The following ZNF385B variants were observed in gnomAD, a reference collection of about 807,000 sequenced individuals.
The protein encoded by ZNF385B is zinc finger protein 533.
ZNF385B carries 23 observed loss-of-function variants against 39.2 expected under a neutral mutation model. The ratio of observed to expected loss-of-function variants is 0.59; its 90% CI spans 0.42 to 0.83. The LOEUF is 0.83. Ranked by LOEUF, ZNF385B falls within the 40% of genes least tolerant of loss-of-function variation. ZNF385B has a pLI of 0.00. For synonymous variants in ZNF385B, 205 were observed against 222.6 expected (o/e 0.92, Z 0.70); for missense variants, 552 against 598.9 (o/e 0.92, Z 0.82).
intron 3 of ZNF385B, among the ~76,000 whole-genome samples, chr2:179,628,300 T>C (rs978643072): frequency 6.6e-6 from 1 of 152,206 alleles, no homozygotes; most frequent in Admixed American, 6.5e-5. Flanking sequence ...GGATGAAATG[T>C]CTTTAAGTAT....
At chr2:179,737,173 G>GT in intron 3 of ZNF385B, among the ~76,000 whole-genome samples, 1 of 152,334 alleles carries the variant, frequency 6.6e-6, no homozygotes, top group East Asian at 1.9e-4. Flanking sequence ...AAGCTGTTGA[G>GT]TGGCGGTGTG....
intron 3 of ZNF385B, among the ~76,000 whole-genome samples, chr2:179,592,630 C>T (rs1399390222): frequency 2.0e-5 from 3 of 151,886 alleles, no homozygotes; most frequent in Non-Finnish European, 4.4e-5. Flanking sequence ...TTTTTTTTTA[C>T]AGAAAAGAAT....
intron 6 of ZNF385B, among the ~76,000 whole-genome samples, chr2:179,454,915 T>G (rs1194329674): frequency 6.6e-6 from 1 of 152,202 alleles, no homozygotes; most frequent in Non-Finnish European, 1.5e-5. Context: ...TAAGCTGAGG[T>G]TAATTTATTG....
intron 3 of ZNF385B, among the ~76,000 whole-genome samples, chr2:179,589,502 T>C (rs1224102326): frequency 6.6e-6 from 1 of 152,148 alleles, no homozygotes. Flanking sequence ...TGAGAAGTAG[T>C]GTGAAGATTT....
At chr2:179,715,993 G>A (rs186802385) in intron 3 of ZNF385B, among the ~76,000 whole-genome samples, 7 of 152,018 alleles carry the variant, frequency 4.6e-5, no homozygotes, top group Non-Finnish European at 7.4e-5. Context: ...GCCCATAATA[G>A]CTACATAATG....
chr2:179,493,695 A>ATACGCATATG (rs1559336791), intron 5 of ZNF385B, among the ~76,000 whole-genome samples: 1 of 102,608 alleles, frequency 9.7e-6, no homozygotes, highest in Non-Finnish European at 2.1e-5. Flanking sequence ...ACACATATAT[A>ATACGCATATG]CATATATGTA....
chr2:179,470,834 C>T (rs1186700805), intron 6 of ZNF385B, among the ~76,000 whole-genome samples: 4 of 150,698 alleles, frequency 2.7e-5, no homozygotes, highest in African/African-American at 9.8e-5. Flanking sequence ...GCCCAGCAAG[C>T]TGGTCAGTTA....
intron 3 of ZNF385B, among the ~76,000 whole-genome samples, chr2:179,555,480 G>T (rs1046628925): frequency 1.3e-5 from 2 of 149,438 alleles, no homozygotes; most frequent in Non-Finnish European, 3.0e-5. Context: ...GCACTTTTCT[G>T]TATGTTATAA....
At chr2:179,524,966 GA>G (rs893599759) in intron 4 of ZNF385B, among the ~76,000 whole-genome samples, 1 of 152,048 alleles carries the variant, frequency 6.6e-6, no homozygotes, top group Admixed American at 6.6e-5. Flanking sequence ...GGTTTGCTGG[GA>G]ACTATACTAA....
intron 6 of ZNF385B, among the ~76,000 whole-genome samples, chr2:179,469,714 T>C (rs2052521879): frequency 6.6e-6 from 1 of 152,152 alleles, no homozygotes; most frequent in African/African-American, 2.4e-5. Context: ...AAAACAAGGA[T>C]GCTTGACCGA....
At chr2:179,511,242 C>T (rs1369609225) in intron 5 of ZNF385B, among the ~76,000 whole-genome samples, 1 of 152,112 alleles carries the variant, frequency 6.6e-6, no homozygotes, top group Non-Finnish European at 1.5e-5. Flanking sequence ...TGGCTTCCTT[C>T]CTAATCTCTT....
chr2:179,785,519 T>A lies in ZNF385B; in HGVS notation c.-154-14847A>T, dbSNP rs556267119. On this transcript the variant is annotated intron_variant, in intron 1 of 9. Transcript: ENST00000410066. Reference sequence around the variant, plus strand: ...TCGATGCCATTAAGAACATTTGTGATTCATAAGAGGAGCTCAAAATATCAA... The same window carrying A: ...TCGATGCCATTAAGAACATTTGTGAATCATAAGAGGAGCTCAAAATATCAA... Among the ~76,000 whole-genome samples, 3 of 152,228 alleles carry A rather than the reference T, an allele frequency of 2.0e-5. No individual in the cohort carries two copies. The South Asian group carries it at 6.2e-4, about 32-fold the overall frequency.
chr2:179,703,177 G>A (rs558280716), intron 3 of ZNF385B, among the ~76,000 whole-genome samples: 4 of 152,182 alleles, frequency 2.6e-5, no homozygotes, highest in East Asian at 3.9e-4. Context: ...TCATCTACTC[G>A]CCCTCTAGTT....
intron 4 of ZNF385B, among the ~76,000 whole-genome samples, chr2:179,520,172 A>T (rs2058380935): frequency 7.0e-6 from 1 of 142,858 alleles, no homozygotes; most frequent in South Asian, 2.1e-4. Flanking sequence ...TCTCCATCTT[A>T]AAAAAAAAAA....
chr2:179,540,834 G>A (rs1395343622), intron 4 of ZNF385B, among the ~76,000 whole-genome samples: 1 of 152,110 alleles, frequency 6.6e-6, no homozygotes, highest in Non-Finnish European at 1.5e-5. Context: ...ACAAAGGGTG[G>A]GACTTAATTC....
intron 3 of ZNF385B, among the ~76,000 whole-genome samples, chr2:179,696,124 CAG>C (rs1443687176): frequency 6.6e-6 from 1 of 152,076 alleles, no homozygotes; most frequent in African/African-American, 2.4e-5. Flanking sequence ...GGAGTGGAGA[CAG>C]GGGATAAGCA....
At chr2:179,799,495 G>C (rs1483921100) in intron 1 of ZNF385B, among the ~76,000 whole-genome samples, 1 of 151,956 alleles carries the variant, frequency 6.6e-6, no homozygotes, top group Middle Eastern at 3.2e-3. Flanking sequence ...TAAAAAGCAT[G>C]TAAGTTATTT....
intron 5 of ZNF385B, among the ~76,000 whole-genome samples, chr2:179,518,160 C>T (rs576610099): frequency 3.2e-4 from 49 of 152,240 alleles, no homozygotes; most frequent in African/African-American, 7.0e-4. Flanking sequence ...ATAGTTGAGA[C>T]TGATTGCATA....
At chr2:179,857,765 T>C (rs1484400107) in intron 1 of ZNF385B, among the ~76,000 whole-genome samples, 4 of 152,198 alleles carry the variant, frequency 2.6e-5, no homozygotes, top group Admixed American at 6.5e-5. Flanking sequence ...AAATGTATCA[T>C]GGAGCCAATA....
Sources: allele counts gnomAD v4.1 joint callset (sites outside exome capture counted in the v4.1 genomes callset), GRCh38; gene constraint gnomAD v4.1.1; transcripts MANE v1.5; gene names NCBI Gene and HGNC (gene_info 2026-07-23, HGNC 2026-07-21).